Variants in DENND4C observed in about 807,000 individuals in gnomAD.
The protein encoded by DENND4C is DENN domain-containing protein 4C.
A neutral mutation model predicts 203.0 loss-of-function variants in DENND4C; 108 were observed. That is an observed-to-expected ratio of 0.53 (90% CI 0.46 to 0.62). The LOEUF is 0.62. Ranked by LOEUF, DENND4C falls within the 20% of genes least tolerant of loss-of-function variation. The pLI is 0.00. For synonymous variants in DENND4C, 871 were observed against 792.4 expected, an observed-to-expected ratio of 1.10 and a Z score of -1.67; for missense variants, 2,481 against 2,301.2, an observed-to-expected ratio of 1.08 and a Z score of -1.60.
intron 20 of DENND4C, among the ~76,000 whole-genome samples, chr9:19,338,486 T>C (rs1820961667): frequency 6.6e-6 from 1 of 152,162 alleles, no homozygotes; most frequent in South Asian, 2.1e-4. Flanking sequence ...ATATATATTT[T>C]AGCTGCATTT....
chr9:19,255,260 C>T (rs987105641), intron 1 of DENND4C, among the ~76,000 whole-genome samples: 4 of 152,000 alleles, frequency 2.6e-5, no homozygotes, highest in African/African-American at 9.7e-5. Context: ...AAAAAATTAG[C>T]TGGATATGGT....
At chr9:19,271,869 CAA>C (rs200794983) in intron 1 of DENND4C, among the ~76,000 whole-genome samples, 24 of 82,404 alleles carry the variant, frequency 2.9e-4, no homozygotes, top group Admixed American at 8.3e-4. Context: ...AACTCTGTCT[CAA>C]AAAAAAAAAA....
intron 23 of DENND4C, among the ~76,000 whole-genome samples, chr9:19,348,896 C>A (rs143761316): frequency 1.3e-5 from 2 of 152,214 alleles, no homozygotes; most frequent in East Asian, 1.9e-4. Flanking sequence ...GTAGCCTTGA[C>A]CCCCTGGGCT....
intron 5 of DENND4C, among the ~76,000 whole-genome samples, chr9:19,293,745 A>G (rs1246369626): frequency 6.6e-6 from 1 of 152,242 alleles, no homozygotes; most frequent in Non-Finnish European, 1.5e-5. Context: ...AACAGCAGGT[A>G]CTGTGAGGAA....
In DENND4C at chr9:19,332,110, A is replaced by G; in HGVS notation, c.2386A>G (p.Lys796Glu). 1.2e-6 allele frequency: 2 copies of G among 1,614,094 alleles called. No individual in the cohort carries two copies. The highest frequency in any genetic ancestry group is 2.2e-5 in the East Asian group (1 of 44,862). ...GGCCTATGTTAGAGTTTCTCATCCTAAAGTCAGAGCACTTCAGCAGGCATA... is the reference window on the plus strand; with the variant it reads ...GGCCTATGTTAGAGTTTCTCATCCTGAAGTCAGAGCACTTCAGCAGGCATA... ...LPAYVRVSHP[K>E]VRALQQAYDV... Residue 796 changes from lysine to glutamate, a missense_variant, in exon 17 of 33, where the codon AAA becomes GAA. Lys to Glu is a moderately conservative substitution (Grantham distance 56). Coordinates refer to ENST00000434457, the MANE Select transcript of DENND4C (RefSeq NM_001330640.2).
intron 1 of DENND4C, among the ~76,000 whole-genome samples, chr9:19,248,800 A>G (rs1293478691): frequency 1.0e-5 from 1 of 100,446 alleles, no homozygotes; most frequent in Admixed American, 1.1e-4. Flanking sequence ...CATAGCACCT[A>G]TGGTTTTTTT....
At position 19,273,929 on chromosome 9, in the gene DENND4C, C is replaced by T. The variant is rs547610888; in HGVS notation, c.-17-2229C>T. Among the ~76,000 whole-genome samples the T allele has an allele frequency of 9.2e-4, 140 of 152,104 alleles. 3 individuals carry two copies. Among genetic ancestry groups the T allele is most frequent in the African/African-American group, 3.3e-3 (136 of 41,400 alleles). On this transcript the variant is annotated intron_variant, in intron 1 of 32. Transcript: ENST00000434457. ...GGAATTTACCCAAGACAAATGAAAG[C>T]ATTATGTCCATAAGATTTGTACATG...
In DENND4C at chr9:19,290,834, AG is replaced by A; in HGVS notation, c.760del (p.Val254PhefsTer7). The A allele has an allele frequency of 1.2e-6, 2 of 1,613,636 alleles. No homozygotes were observed. The highest frequency in any genetic ancestry group is 1.7e-6 in the Non-Finnish European group (2 of 1,179,752). On this transcript the variant is annotated frameshift_variant, in exon 5 of 33. Coordinates refer to ENST00000434457, the MANE Select transcript of DENND4C (RefSeq NM_001330640.2). LOFTEE classifies it high-confidence loss of function. The stretch of plus-strand genomic sequence containing the variant: ...ATCCTGAAACCAAATATCCACTTCC[AG>A]TTTTTTCAACTTTTGTCTTGACAGG... ...WDPETKYPLP[V>X]FSTFVLTGSS...
At chr9:19,301,935 C>CA (rs1466251684) in intron 9 of DENND4C, among the ~76,000 whole-genome samples, 1 of 151,808 alleles carries the variant, frequency 6.6e-6, no homozygotes, top group South Asian at 2.1e-4. Flanking sequence ...GACTCCGTCT[C>CA]AAAAAAAATA....
At chr9:19,277,993 T>G (rs1195008365) in intron 2 of DENND4C, among the ~76,000 whole-genome samples, 3 of 152,100 alleles carry the variant, frequency 2.0e-5, no homozygotes, top group African/African-American at 7.2e-5. Context: ...AATATAACTA[T>G]GATACCATAC....
Position 19,298,044 on chromosome 9 carries a change from T to A in DENND4C, c.1041-12T>A. On this transcript the variant is annotated splice_polypyrimidine_tract_variant and intron_variant, in intron 6 of 32. Transcript: ENST00000434457. ...AGTAATTATTATATTTATTTCAAAT[T>A]TTTTTTTCTAGGCACATTTCACATT... The A allele has an allele frequency of 6.3e-7, 1 of 1,597,038 alleles. No individual in the cohort carries two copies. Among genetic ancestry groups the A allele is most frequent in the Non-Finnish European group, 8.5e-7 (1 of 1,169,990 alleles).
chr9:19,332,244 A>C, intron 17 of DENND4C, 60 bp downstream of exon 17: 1 of 1,514,092 alleles, frequency 6.6e-7, no homozygotes. Flanking sequence ...CTTCTAATAA[A>C]ATTTGGGTGT....
At chr9:19,309,681 T>C (rs1207382549) in intron 10 of DENND4C, among the ~76,000 whole-genome samples, 1 of 152,128 alleles carries the variant, frequency 6.6e-6, no homozygotes, top group Non-Finnish European at 1.5e-5. Context: ...AATACCATCT[T>C]ATTAAGCTCC....
At chr9:19,322,036 A>G (rs1019619950) in intron 12 of DENND4C, among the ~76,000 whole-genome samples, 4 of 152,180 alleles carry the variant, frequency 2.6e-5, no homozygotes, top group South Asian at 4.1e-4. Context: ...CATAGTTTCT[A>G]TTTAATGATC....
At chr9:19,300,629 C>T (rs1258679267) in intron 9 of DENND4C, among the ~76,000 whole-genome samples, 1 of 152,070 alleles carries the variant, frequency 6.6e-6, no homozygotes. Flanking sequence ...GAGAATGAAG[C>T]TGGTTGTATT....
At chr9:19,318,877 A>G (rs972993541) in intron 12 of DENND4C, among the ~76,000 whole-genome samples, 1 of 152,148 alleles carries the variant, frequency 6.6e-6, no homozygotes, top group Admixed American at 6.6e-5. Context: ...AACTTAATAT[A>G]TAAATTTTGG....
At chr9:19,282,086 C>G (rs904981829) in intron 2 of DENND4C, among the ~76,000 whole-genome samples, 3 of 151,908 alleles carry the variant, frequency 2.0e-5, no homozygotes, top group African/African-American at 7.3e-5. Context: ...TTATTATAGC[C>G]TTTTTACTTT....
intron 2 of DENND4C, among the ~76,000 whole-genome samples, chr9:19,281,763 A>G (rs1834088471): frequency 6.6e-6 from 1 of 152,240 alleles, no homozygotes; most frequent in Non-Finnish European, 1.5e-5. Context: ...ACACAAACCT[A>G]GGTGGCATAG....
At chr9:19,251,100 G>C (rs1826466808) in intron 1 of DENND4C, among the ~76,000 whole-genome samples, 1 of 152,254 alleles carries the variant, frequency 6.6e-6, no homozygotes, top group African/African-American at 2.4e-5. Context: ...TTCTCCATGA[G>C]GGCCCCGCCC....
Sources: allele counts gnomAD v4.1 joint callset (sites outside exome capture counted in the v4.1 genomes callset), GRCh38; gene constraint gnomAD v4.1.1; transcripts MANE v1.5; gene names NCBI Gene and HGNC (gene_info 2026-07-23, HGNC 2026-07-21).